Variants in CSF1R observed in about 807,000 individuals in gnomAD.
CSF1R encodes colony stimulating factor 1 receptor.
Under a neutral mutation model 110.0 loss-of-function variants are expected in CSF1R, and 40 were observed. The ratio of observed to expected loss-of-function variants is 0.36; its 90% CI spans 0.28 to 0.47. The LOEUF (loss-of-function observed/expected upper bound fraction) is 0.47. CSF1R is among the 20% of genes least tolerant of loss of function. The probability of loss-of-function intolerance (pLI) is 0.99; values close to 1 mark genes in which losing one functional copy is unlikely to be tolerated. For synonymous variants in CSF1R, 523 were observed against 503.4 expected, an observed-to-expected ratio of 1.04 and a Z score of -0.52; for missense variants, 1,052 against 1,253.0, an observed-to-expected ratio of 0.84 and a Z score of 2.42.
chr5:150,090,703 A>G (rs557166793), upstream of CSF1R, among the ~76,000 whole-genome samples: 5 of 152,234 alleles, frequency 3.3e-5, no homozygotes, highest in Non-Finnish European at 7.3e-5. Context: ...ACAACAAAAA[A>G]ACAATTAAAT....
At chr5:150,109,982 C>A (rs767457720) in intron 1 of CSF1R, among the ~76,000 whole-genome samples, 10 of 152,286 alleles carry the variant, frequency 6.6e-5, no homozygotes, top group African/African-American at 2.4e-4. Context: ...CTTTGATTCT[C>A]CATTTTAAAG....
chr5:150,103,227 T>C (rs1248644344), intron 1 of CSF1R, among the ~76,000 whole-genome samples: 1 of 152,214 alleles, frequency 6.6e-6, no homozygotes. Context: ...GCCAATACCA[T>C]TCCCTGTGCC....
chr5:150,111,869 C>T (rs1561972900), intron 1 of CSF1R, among the ~76,000 whole-genome samples: 1 of 152,230 alleles, frequency 6.6e-6, no homozygotes, highest in Non-Finnish European at 1.5e-5. Flanking sequence ...GAAACTGAGT[C>T]ACATCACAGG....
At position 150,061,288 on chromosome 5, in the gene CSF1R, T is replaced by C. The variant is rs73275620; in HGVS notation, c.1858+203A>G. On this transcript the variant is annotated intron_variant, in intron 12 of 20. Transcript: ENST00000675795. ...GCTCAGTCAGGAGCCCCTTCACAAC[T>C]AAAGGGTGACCTAGACCTTCTTGGA... 0.13 allele frequency among the ~76,000 whole-genome samples: 19,190 copies of C among 152,066 alleles called. 4,048 individuals carry two copies. The highest frequency in any genetic ancestry group is 0.44 in the African/African-American group (18,083 of 41,422).
At chr5:150,096,160 C>T (rs111921809) in intron 1 of CSF1R, among the ~76,000 whole-genome samples, 3,348 of 152,214 alleles carry the variant, frequency 0.022, 123 homozygotes, top group African/African-American at 0.077. Context: ...GAGACCGAGG[C>T]GGGCGGATCA....
chr5:150,087,978 C>T (rs546414246), upstream of CSF1R, among the ~76,000 whole-genome samples: 3 of 152,268 alleles, frequency 2.0e-5, no homozygotes, highest in South Asian at 4.1e-4. Context: ...TCAAGTGATT[C>T]GCATACCTTG....
chr5:150,077,458 T>C (rs1758318986), intron 4 of CSF1R, 23 bp from the exon 5 acceptor site: 2 of 1,604,360 alleles, frequency 1.2e-6, no homozygotes, highest in East Asian at 2.2e-5. Flanking sequence ...GGAATGGAGA[T>C]GTTATACCAA....
chr5:150,058,459 C>T (rs1018681070), intron 14 of CSF1R, among the ~76,000 whole-genome samples: 29 of 152,334 alleles, frequency 1.9e-4, no homozygotes, highest in Admixed American at 7.2e-4. Flanking sequence ...ACCTTCCGCT[C>T]CCTTGTAGAA....
chr5:150,106,678 T>C (rs1159191339), intron 1 of CSF1R, among the ~76,000 whole-genome samples: 2 of 152,172 alleles, frequency 1.3e-5, no homozygotes, highest in Non-Finnish European at 2.9e-5. Flanking sequence ...ATCAAGGCCA[T>C]ACCCTGTAGC....
At chr5:150,078,988 G>A (rs1009208051) in intron 3 of CSF1R, among the ~76,000 whole-genome samples, 11 of 152,206 alleles carry the variant, frequency 7.2e-5, no homozygotes, top group African/African-American at 2.2e-4. Context: ...TGTCAAATCC[G>A]TGACAGGAAT....
At chr5:150,089,516 A>G (rs1188044620), upstream of CSF1R, among the ~76,000 whole-genome samples, 3 of 152,234 alleles carry the variant, frequency 2.0e-5, no homozygotes, top group Non-Finnish European at 2.9e-5. Context: ...TTTACAATGA[A>G]AACTACAAAA....
rs1215223449 is a variant in CSF1R at position 150,062,369 on chromosome 5, AG to A, written c.1627-521del. 1.4e-5 allele frequency among the ~76,000 whole-genome samples: 2 copies of A among 146,782 alleles called. 1 individual carries two copies. The highest frequency in any genetic ancestry group is 5.0e-5 in the African/African-American group (2 of 39,944). On this transcript the variant is annotated intron_variant, in intron 10 of 20. Coordinates refer to ENST00000675795, the MANE Select transcript of CSF1R (RefSeq NM_001288705.3). ...ATTCTACCTTGTGCAACCAGTTTCCAGAGCTCTTTTCATCTTGCAAAACTGA... is the reference window on the plus strand; with the variant it reads ...ATTCTACCTTGTGCAACCAGTTTCCAAGCTCTTTTCATCTTGCAAAACTGA...
At chr5:150,058,910 G>A (rs1757371903) in intron 14 of CSF1R, among the ~76,000 whole-genome samples, 1 of 152,072 alleles carries the variant, frequency 6.6e-6, no homozygotes, top group Non-Finnish European at 1.5e-5. Flanking sequence ...TCTAGTCCAG[G>A]CTCCACCTCT....
chr5:150,090,192 T>A (rs1758994775), upstream of CSF1R, among the ~76,000 whole-genome samples: 1 of 152,164 alleles, frequency 6.6e-6, no homozygotes, highest in African/African-American at 2.4e-5. Context: ...ATTAAACATT[T>A]TTGTGCATCA....
At chr5:150,061,464 CT>C in intron 12 of CSF1R, 26 bp downstream of exon 12, 1 of 887,722 alleles carries the variant, frequency 1.1e-6, no homozygotes, top group Non-Finnish European at 1.8e-6. Flanking sequence ...CCCCCCATCC[CT>C]TCCCTCATCC....
At chr5:150,100,625 A>G (rs1268708855) in intron 1 of CSF1R, among the ~76,000 whole-genome samples, 3 of 152,180 alleles carry the variant, frequency 2.0e-5, no homozygotes, top group Admixed American at 2.0e-4. Flanking sequence ...CACTGCTGGT[A>G]AGGGTATAAA....
chr5:150,100,290 C>CTTTTTTTTTTTTTTTT (rs752638971), intron 1 of CSF1R, among the ~76,000 whole-genome samples: 2 of 89,348 alleles, frequency 2.2e-5, no homozygotes, highest in East Asian at 3.3e-4. Context: ...ATTGGCTAAC[C>CTTTTTTTTTTTTTTTT]TTTTTTTTTT....
At chr5:150,079,003 C>T (rs1275535925) in intron 3 of CSF1R, among the ~76,000 whole-genome samples, 1 of 152,214 alleles carries the variant, frequency 6.6e-6, no homozygotes, top group Non-Finnish European at 1.5e-5. Context: ...AGGAATATTC[C>T]AGCAGCCAGC....
intron 1 of CSF1R, among the ~76,000 whole-genome samples, chr5:150,109,320 G>A (rs1759650683): frequency 6.6e-6 from 1 of 152,170 alleles, no homozygotes; most frequent in South Asian, 2.1e-4. Context: ...TGGGACCACT[G>A]GTAGGAGCAC....
Sources: gnomAD v4.1 joint callset for allele counts (sites outside exome capture counted in the v4.1 genomes callset) on GRCh38, gnomAD v4.1.1 for gene constraint, MANE v1.5 for transcripts, NCBI Gene and HGNC (gene_info 2026-07-23, HGNC 2026-07-21) for gene names.